Variants in ATF7 observed in about 807,000 individuals in gnomAD.
ATF7 encodes the protein activating transcription factor 7.
ATF7 carries 10 observed loss-of-function variants against 50.4 expected under a neutral mutation model. That is an observed-to-expected ratio of 0.20 (90% CI 0.12 to 0.34). The LOEUF (loss-of-function observed/expected upper bound fraction) is 0.34. Ranked by LOEUF, ATF7 falls within the 10% of genes least tolerant of loss-of-function variation. ATF7 has a pLI of 1.00. For synonymous variants in ATF7, 201 were observed against 226.4 expected (o/e 0.89, Z 1.01); for missense variants, 465 against 613.9 (o/e 0.76, Z 2.56).
rs1293252653 is a variant in ATF7, at chr12:53,514,052, G to GT, written c.*3084dup. 2 of 152,234 alleles carry GT rather than the reference G, an allele frequency of 1.3e-5. No homozygotes were observed. The highest frequency in any genetic ancestry group is 1.3e-4 in the Admixed American group (2 of 15,278). The allele number at this position is 152,234 out of a possible 1,614,324, so 9.4% of individuals were successfully genotyped here. The stretch of plus-strand genomic sequence containing the variant: ...GAGATGCATAACCAGCAGCAAAAGA[G>GT]TAAGTAAAGGGGGCATGACTTTTTT... On this transcript the variant is annotated 3_prime_UTR_variant, in exon 12 of 12. Transcript: ENST00000420353.
chr12:53,594,553 T>C (rs1196223331), intron 2 of ATF7, among the ~76,000 whole-genome samples: 1 of 152,146 alleles, frequency 6.6e-6, no homozygotes, highest in Non-Finnish European at 1.5e-5. Flanking sequence ...ATTAAGAAAC[T>C]TGAGTTTAAT....
At chr12:53,551,253 G>C (rs1472620752) in intron 3 of ATF7, among the ~76,000 whole-genome samples, 3 of 152,148 alleles carry the variant, frequency 2.0e-5, no homozygotes, top group Non-Finnish European at 1.5e-5. Context: ...TCAAACTCCT[G>C]GGCTCAAGCT....
chr12:53,582,736 G>A (rs1394307780), intron 2 of ATF7, among the ~76,000 whole-genome samples: 3 of 152,036 alleles, frequency 2.0e-5, no homozygotes, highest in African/African-American at 7.2e-5. Flanking sequence ...CCGCCACCAC[G>A]CCCGGCTAAT....
rs746008090 is a variant in ATF7, at chr12:53,626,363, C to A, written c.-106G>T. On this transcript the variant is annotated 5_prime_UTR_variant, in exon 1 of 12. Coordinates refer to ENST00000420353, the MANE Select transcript of ATF7 (RefSeq NM_006856.3). Reference sequence around the variant, plus strand: ...CTCCTCCTTTCCCCCCTTGGCGGAACGGATACTTTCCTCCCGTCCGGCCAG... The same window carrying A: ...CTCCTCCTTTCCCCCCTTGGCGGAAAGGATACTTTCCTCCCGTCCGGCCAG... The A allele has an allele frequency of 1.3e-5, 2 of 152,806 alleles. No individual in the cohort carries two copies. The highest frequency in any genetic ancestry group is 1.5e-5 in the Non-Finnish European group (1 of 68,158). 9.5% of individuals were successfully genotyped at this position (152,806 alleles called of 1,614,324 possible).
intron 9 of ATF7, 58 bp downstream of exon 9, chr12:53,531,686 T>TAGATATGACATAAAGATACGTCATAA: frequency 7.3e-6 from 11 of 1,506,906 alleles, no homozygotes; most frequent in Non-Finnish European, 9.8e-6. Context: ...CCTTGAACAA[T>TAGATATGACATAAAGATACGTCATAA]AGATATGACA....
chr12:53,601,080 A>G lies in ATF7; in HGVS notation c.-21-59T>C. The G allele has an allele frequency of 3.1e-6, 4 of 1,292,944 alleles. No homozygotes were observed. The Admixed American group carries it at 9.9e-5, about 32-fold the overall frequency. The allele number at this position is 1,292,944 out of a possible 1,614,324, so 80.1% of individuals were successfully genotyped here. A position where few individuals can be genotyped will look rare whatever the true frequency, so the allele number is the denominator to read the frequency against. On this transcript the variant is annotated intron_variant, in intron 1 of 11. Coordinates refer to ENST00000420353, the MANE Select transcript of ATF7 (RefSeq NM_006856.3). The stretch of plus-strand genomic sequence containing the variant: ...TAAATATGCTGGAGCAAAAAAAAAA[A>G]AAAAGTGCTTCAAAAATATCAACCC...
chr12:53,621,387 CAT>C (rs1402548701), intron 1 of ATF7, among the ~76,000 whole-genome samples: 11 of 152,070 alleles, frequency 7.2e-5, no homozygotes, highest in Admixed American at 6.5e-4. Context: ...ATAATACAAA[CAT>C]ATGAGAAATG....
At chr12:53,551,755 G>T (rs1445547332) in intron 3 of ATF7, among the ~76,000 whole-genome samples, 1 of 152,146 alleles carries the variant, frequency 6.6e-6, no homozygotes, top group East Asian at 1.9e-4. Flanking sequence ...ATTAACTAAT[G>T]TAATAACCAC....
intron 2 of ATF7, among the ~76,000 whole-genome samples, chr12:53,575,262 T>C (rs982399236): frequency 6.6e-6 from 1 of 151,714 alleles, no homozygotes; most frequent in Non-Finnish European, 1.5e-5. Flanking sequence ...ACAAAATTAG[T>C]AGGGTGTGGT....
intron 2 of ATF7, among the ~76,000 whole-genome samples, chr12:53,564,564 T>TC (rs1941334736): frequency 6.6e-6 from 1 of 152,208 alleles, no homozygotes; most frequent in Non-Finnish European, 1.5e-5. Context: ...TATGAGCATC[T>TC]CATAGGTGTC....
chr12:53,564,644 A>C (rs1426906186), intron 2 of ATF7, among the ~76,000 whole-genome samples: 1 of 152,224 alleles, frequency 6.6e-6, no homozygotes, highest in Non-Finnish European at 1.5e-5. Flanking sequence ...AAGGAAAAGT[A>C]TGTTACAATT....
At chr12:53,563,241 A>C (rs1419409106) in intron 2 of ATF7, among the ~76,000 whole-genome samples, 1 of 152,184 alleles carries the variant, frequency 6.6e-6, no homozygotes, top group African/African-American at 2.4e-5. Context: ...GAACTTGTAT[A>C]GTATTCAAAT....
intron 2 of ATF7, among the ~76,000 whole-genome samples, chr12:53,577,482 C>A (rs1942140169): frequency 1.3e-5 from 2 of 151,728 alleles, no homozygotes; most frequent in South Asian, 4.2e-4. Flanking sequence ...TTTGGGAGGC[C>A]GAGGCGGGTG....
chr12:53,615,549 C>T (rs1025574303), intron 1 of ATF7, among the ~76,000 whole-genome samples: 9 of 152,034 alleles, frequency 5.9e-5, no homozygotes, highest in Middle Eastern at 3.2e-3. Flanking sequence ...ACAGTAATTA[C>T]GTCACATTCA....
At chr12:53,529,710 T>TACACACACACACAC (rs796404325) in intron 9 of ATF7, among the ~76,000 whole-genome samples, 7,731 of 132,018 alleles carry the variant, frequency 0.059, 714 homozygotes, top group East Asian at 0.45. Flanking sequence ...TATATACACA[T>TACACACACACACAC]ACACACACAC....
intron 2 of ATF7, among the ~76,000 whole-genome samples, chr12:53,554,227 T>A (rs945042591): frequency 2.0e-5 from 3 of 152,228 alleles, no homozygotes; most frequent in Non-Finnish European, 4.4e-5. Context: ...GCTGCCCATG[T>A]TCAAGCAATT....
At chr12:53,528,071 A>G (rs11170579) in intron 9 of ATF7, among the ~76,000 whole-genome samples, 83,117 of 151,382 alleles carry the variant, frequency 0.55, 23,578 homozygotes, top group East Asian at 0.95. Context: ...TTGATCTCCT[A>G]ACCTTGGGAT....
rs745415615 is a variant in ATF7, at chr12:53,524,034, G to A, written c.1125+530C>T. Among the ~76,000 whole-genome samples the A allele has an allele frequency of 7.9e-5, 12 of 152,066 alleles. 1 individual carries two copies. Among genetic ancestry groups the A allele is most frequent in the Middle Eastern group, 3.2e-3 (1 of 316 alleles). ...GGGACTAGAAAAGGCAGATTAAAGA[G>A]GGACTTTGTTTCTATTCTGTACATT... On this transcript the variant is annotated intron_variant, in intron 10 of 11. Coordinates refer to ENST00000420353, the MANE Select transcript of ATF7 (RefSeq NM_006856.3). This position sits in a 1 kb window ranked among gnomAD's most constrained non-coding sequence, Gnocchi z 4.6.
Sources: gnomAD v4.1 joint callset for allele counts (sites outside exome capture counted in the v4.1 genomes callset) on GRCh38, gnomAD v4.1.1 for gene constraint, Gnocchi (gnomAD v3.1) non-coding constraint, MANE v1.5 for transcripts, NCBI Gene and HGNC (gene_info 2026-07-23, HGNC 2026-07-21) for gene names.